SREK1: variants seen among roughly 807,000 people sequenced by gnomAD.
SREK1 encodes splicing regulatory glutamic acid and lysine rich protein 1.
A neutral mutation model predicts 66.5 loss-of-function variants in SREK1; 13 were observed. The ratio of observed to expected loss-of-function variants is 0.20; its 90% CI spans 0.13 to 0.31. The LOEUF is 0.31. Among genes scored for constraint, SREK1 ranks in the 10% least tolerant of loss-of-function variants. The pLI is 1.00. For synonymous variants in SREK1, 265 were observed against 263.5 expected (o/e 1.01, Z -0.05); for missense variants, 607 against 769.6 (o/e 0.79, Z 2.50).
chr5:66,155,057 T>A, intron 2 of SREK1, among the ~76,000 whole-genome samples: 1 of 137,454 alleles, frequency 7.3e-6, no homozygotes, highest in African/African-American at 2.6e-5. Context: ...AGGAAGAATT[T>A]TATCAGTGTT....
intron 7 of SREK1, chr5:66,165,650 A>G (rs952268351): frequency 6.6e-6 from 1 of 152,274 alleles, no homozygotes; most frequent in Non-Finnish European, 1.5e-5. Context: ...TTTGTTGTCT[A>G]TTTTAAGGTA....
intron 5 of SREK1, 53 bp from the exon 6 acceptor site, chr5:66,163,739 A>G (rs1297907594): frequency 8.3e-6 from 13 of 1,557,612 alleles, no homozygotes; most frequent in East Asian, 4.6e-5. Flanking sequence ...TGTTTGTTTC[A>G]TGTTTTATAA....
chr5:66,174,805 C>A, intron 9 of SREK1, 141 bp from the exon 10 acceptor site: 1 of 624,310 alleles, frequency 1.6e-6, no homozygotes, highest in Non-Finnish European at 2.6e-6. Context: ...ATTGAACATG[C>A]TCATAAAGGA....
At position 66,175,118 on chromosome 5, in the gene SREK1, A is replaced by C. The variant is rs945034820; in HGVS notation, c.1580+77A>C. 5.0e-6 allele frequency: 6 copies of C among 1,203,142 alleles called. No individual in the cohort carries two copies. In the Admixed American group the frequency reaches 1.6e-4, roughly 32 times the overall value. 74.5% of individuals were successfully genotyped at this position (1,203,142 alleles called of 1,614,324 possible). ...TTTGAAATTTTAAATTTCTCTCTTT[A>C]TTTTTTAAACTTTATATTTTGAATG... On this transcript the variant is annotated intron_variant, in intron 10 of 11. Coordinates refer to ENST00000334121, the MANE Select transcript of SREK1 (RefSeq NM_001077199.3).
chr5:66,162,083 G>C lies in SREK1; in HGVS notation c.412-26G>C, dbSNP rs778809596. 1.9e-6 allele frequency: 3 copies of C among 1,604,428 alleles called. No individual in the cohort carries two copies. In the South Asian group the frequency reaches 3.4e-5, roughly 18 times the overall value. On this transcript the variant is annotated intron_variant, in intron 3 of 11. Transcript: ENST00000334121. ...GATACTAATAGAAAATATGTGTTCT[G>C]TGTGTTTTTTTTCTTCTTTCGATAG... is the stretch of plus-strand genomic sequence containing the variant.
At chr5:66,169,996 T>A in intron 7 of SREK1, 55 bp from the exon 8 acceptor site, 2 of 1,399,402 alleles carry the variant, frequency 1.4e-6, no homozygotes, top group Non-Finnish European at 1.9e-6. Flanking sequence ...TTAAATTTTC[T>A]TGTTTGAAAG....
chr5:66,173,374 A>C (rs1020047353), intron 9 of SREK1, among the ~76,000 whole-genome samples: 2 of 152,168 alleles, frequency 1.3e-5, no homozygotes, highest in African/African-American at 4.8e-5. Context: ...TTGAGCACCT[A>C]CTCTGTGTCA....
chr5:66,157,451 GT>G, intron 2 of SREK1: 1 of 985,172 alleles, frequency 1.0e-6, no homozygotes, highest in Non-Finnish European at 1.2e-6. Context: ...TGACGATGGA[GT>G]TTCTGCCTCA....
chr5:66,170,486 A>G (rs1745540402), intron 8 of SREK1, 99 bp from the exon 9 acceptor site: 1 of 1,394,614 alleles, frequency 7.2e-7, no homozygotes, highest in Middle Eastern at 2.3e-4. Flanking sequence ...TGTAGGTACT[A>G]TAAATTGTCT....
Position 66,152,203 on chromosome 5 carries a change from G to A in SREK1, c.162-1260G>A, listed in dbSNP as rs116557274. Reference sequence around the variant, plus strand: ...TAGCCTTACTAATTGTGTTAATAATGTAAATAGTTTTAAGTTCTAAATGCA... The same window carrying A: ...TAGCCTTACTAATTGTGTTAATAATATAAATAGTTTTAAGTTCTAAATGCA... On this transcript the variant is annotated intron_variant, in intron 1 of 11. Coordinates refer to ENST00000334121, the MANE Select transcript of SREK1 (RefSeq NM_001077199.3). Among the ~76,000 whole-genome samples, 531 of 152,276 alleles carry A rather than the reference G, an allele frequency of 3.5e-3. 3 individuals carry two copies. The highest frequency in any genetic ancestry group is 0.012 in the African/African-American group (509 of 41,560).
At chr5:66,150,910 G>T (rs1429199206) in intron 1 of SREK1, among the ~76,000 whole-genome samples, 1 of 151,236 alleles carries the variant, frequency 6.6e-6, no homozygotes, top group South Asian at 2.1e-4. Flanking sequence ...GTGTGATCTC[G>T]GCTCACTGCA....
intron 7 of SREK1, chr5:66,169,102 A>T (rs1745404467): frequency 6.6e-6 from 1 of 152,220 alleles, no homozygotes; most frequent in African/African-American, 2.4e-5. Context: ...TTGCTATTTA[A>T]GTTGTGTACA....
At position 66,162,160 on chromosome 5, in the gene SREK1, C is replaced by A. The variant is rs565281010; in HGVS notation, c.463C>A (p.Pro155Thr). The change falls in exon 4 of 12, where the codon CCC (proline) becomes ACC (threonine). Residue 155 changes from proline to threonine, a missense_variant. By Grantham distance (38) the Pro-to-Thr change is conservative. This residue lies in a region of SREK1 where 99 missense variants were observed against 186.6 expected (regional missense o/e 0.53). Transcript: ENST00000334121. ...AGCTATACCAGCAGCAGCACTAGACCCCAACATTGCAACACTTGGAGAGAT... is the reference window on the plus strand; with the variant it reads ...AGCTATACCAGCAGCAGCACTAGACACCAACATTGCAACACTTGGAGAGAT... ...LGAIPAAALD[P>T]NIATLGEIPQ... The A allele has an allele frequency of 5.0e-6, 8 of 1,613,822 alleles. No homozygotes were observed. In the South Asian group the frequency reaches 6.6e-5, roughly 13 times the overall value.
rs1742952389 is a variant in SREK1 at position 66,144,330 on chromosome 5, G to T, written c.-47G>T. ...CCGCTTTCCCGGCTCCGTCGCTGAC[G>T]CGTCGTAGACGTTGGGGAGCGGGAA... is the stretch of plus-strand genomic sequence containing the variant. On this transcript the variant is annotated 5_prime_UTR_variant, in exon 1 of 12. Transcript: ENST00000334121. The T allele has an allele frequency of 7.1e-7, 1 of 1,414,740 alleles. No individual in the cohort carries two copies. Among genetic ancestry groups the T allele is most frequent in the Non-Finnish European group, 9.5e-7 (1 of 1,049,918 alleles). 87.6% of individuals were successfully genotyped at this position (1,414,740 alleles called of 1,614,324 possible).
rs1430892125 is a variant in SREK1, at chr5:66,181,921, AATTT to A, written c.*3058_*3061del. 2.1e-5 allele frequency: 3 copies of A among 144,292 alleles called. No homozygotes were observed. Among genetic ancestry groups the A allele is most frequent in the Non-Finnish European group, 4.6e-5 (3 of 65,644 alleles). The allele number at this position is 144,292 out of a possible 1,614,324, so 8.9% of individuals were successfully genotyped here. A position where few individuals can be genotyped will look rare whatever the true frequency, so the allele number is the denominator to read the frequency against. On this transcript the variant is annotated 3_prime_UTR_variant, in exon 12 of 12. Coordinates refer to ENST00000334121, the MANE Select transcript of SREK1 (RefSeq NM_001077199.3). ...TTGTCGGGGGGGGGGGGGTCAAGAG[AATTT>A]ATTTTGTGATAGTAATAATTTTCAA...
chr5:66,172,228 T>C (rs1002952855), intron 9 of SREK1, among the ~76,000 whole-genome samples: 6 of 152,214 alleles, frequency 3.9e-5, no homozygotes, highest in African/African-American at 1.4e-4. Context: ...CCTTTGTGTT[T>C]CTGTGATTGT....
At chr5:66,178,166 A>G (rs188769551) in intron 11 of SREK1, among the ~76,000 whole-genome samples, 22 of 152,162 alleles carry the variant, frequency 1.4e-4, no homozygotes, top group Admixed American at 4.6e-4. Flanking sequence ...TGGAACATCT[A>G]TCTTATAGTT....
At position 66,179,951 on chromosome 5, in the gene SREK1, T is replaced by A. The variant is rs1746374277; in HGVS notation, c.*1083T>A. The A allele has an allele frequency of 6.6e-6, 1 of 152,590 alleles. No homozygotes were observed. The highest frequency in any genetic ancestry group is 1.5e-5 in the Non-Finnish European group (1 of 67,990). 9.5% of individuals were successfully genotyped at this position (152,590 alleles called of 1,614,324 possible). A position where few individuals can be genotyped will look rare whatever the true frequency, so the allele number is the denominator to read the frequency against. On this transcript the variant is annotated 3_prime_UTR_variant, in exon 12 of 12. Transcript: ENST00000334121. Reference sequence around the variant, plus strand: ...GTTTTCAAGAATGACATTAGAGTCATGCAGCTTTGGGACCATCAGTTTTAT... The same window carrying A: ...GTTTTCAAGAATGACATTAGAGTCAAGCAGCTTTGGGACCATCAGTTTTAT...
chr5:66,167,385 ATAT>A (rs1184229167), intron 7 of SREK1: 2 of 152,242 alleles, frequency 1.3e-5, no homozygotes, highest in Non-Finnish European at 2.9e-5. Flanking sequence ...ACATTTTATA[ATAT>A]TTTAATGGAA....
Sources: gnomAD v4.1 joint callset for allele counts (sites outside exome capture counted in the v4.1 genomes callset) on GRCh38, gnomAD v4.1.1 for gene constraint, gnomAD v4.1.1 regional missense constraint, MANE v1.5 for transcripts, NCBI Gene and HGNC (gene_info 2026-07-23, HGNC 2026-07-21) for gene names.